The following PCDH15 variants were observed in gnomAD, a reference collection of about 807,000 sequenced individuals.
PCDH15 encodes the protein protocadherin-15.
In PCDH15, 129 loss-of-function variants were observed where a neutral mutation model predicts 178.5. The ratio of observed to expected loss-of-function variants is 0.72; its 90% CI spans 0.63 to 0.84. The LOEUF (loss-of-function observed/expected upper bound fraction) is 0.84, where lower values mean the gene tolerates loss of function less well. PCDH15 is among the 40% of genes least tolerant of loss of function. The pLI is 0.00. For missense variants in PCDH15, 2,230 were observed against 2,099.9 expected, an observed-to-expected ratio of 1.06 and a Z score of -1.21; for synonymous variants, 800 against 732.0, an observed-to-expected ratio of 1.09 and a Z score of -1.50.
chr10:55,099,219 C>T (rs1356095221), intron 2 of PCDH15, among the ~76,000 whole-genome samples: 3 of 152,056 alleles, frequency 2.0e-5, no homozygotes, highest in Non-Finnish European at 4.4e-5. Flanking sequence ...CACATAGCCA[C>T]TCTTTATTGT....
chr10:55,501,500 T>C (rs1455680562), intron 2 of PCDH15, among the ~76,000 whole-genome samples: 1 of 151,680 alleles, frequency 6.6e-6, no homozygotes, highest in Non-Finnish European at 1.5e-5. Context: ...TTATCTGTAA[T>C]AAGAAAAACA....
At chr10:54,335,050 C>T (rs988749126) in intron 6 of PCDH15, among the ~76,000 whole-genome samples, 3 of 152,146 alleles carry the variant, frequency 2.0e-5, no homozygotes, top group Non-Finnish European at 4.4e-5. Context: ...GGCTACTGTG[C>T]CATCAGCTGC....
chr10:54,028,451 G>A (rs550978763), intron 18 of PCDH15, among the ~76,000 whole-genome samples: 1 of 151,690 alleles, frequency 6.6e-6, no homozygotes, highest in South Asian at 2.1e-4. Context: ...TATACCCAAA[G>A]GACTAGAAAT....
intron 2 of PCDH15, among the ~76,000 whole-genome samples, chr10:55,454,985 T>G (rs1839519257): frequency 6.6e-6 from 1 of 152,048 alleles, no homozygotes; most frequent in Admixed American, 6.6e-5. Flanking sequence ...ACAATGTATA[T>G]ATGCATACAT....
At chr10:55,601,930 G>T (rs142930122) in intron 2 of PCDH15, among the ~76,000 whole-genome samples, 1 of 152,230 alleles carries the variant, frequency 6.6e-6, no homozygotes, top group South Asian at 2.1e-4. Context: ...AGCTCCCAGC[G>T]TGAGCGACGC....
chr10:54,466,546 T>A lies in PCDH15; in HGVS notation c.157+61266A>T, dbSNP rs11004323. Among the ~76,000 whole-genome samples, 858 of 152,148 alleles carry A rather than the reference T, an allele frequency of 5.6e-3. 14 individuals carry two copies. Among genetic ancestry groups the A allele is most frequent in the African/African-American group, 0.02 (835 of 41,568 alleles). ...GTTTTATTTGTCTGTATGTCTGTTTTTGTATCAACATTATGCTGTTTTGGT... is the reference window on the plus strand; with the variant it reads ...GTTTTATTTGTCTGTATGTCTGTTTATGTATCAACATTATGCTGTTTTGGT... On this transcript the variant is annotated intron_variant, in intron 3 of 37. Transcript: ENST00000644397.
intron 2 of PCDH15, among the ~76,000 whole-genome samples, chr10:55,004,372 T>C (rs2131934230): frequency 6.6e-6 from 1 of 152,260 alleles, no homozygotes; most frequent in Non-Finnish European, 1.5e-5. Context: ...GAACTGATGT[T>C]TATGGTTTCT....
At chr10:55,575,743 T>C (rs1842484085) in intron 2 of PCDH15, 1 of 152,226 alleles carries the variant, frequency 6.6e-6, no homozygotes, top group Non-Finnish European at 1.5e-5. Context: ...TGCACTTTAA[T>C]ACTGTTAGAC....
In PCDH15 at chr10:54,228,191, G is replaced by T. The variant is rs951460603; in HGVS notation, c.985+8632C>A. ...CTGATAAAGACATACCAGAGACTGG[G>T]CAATTTTCAAAAGAAAAAGGTTTAA... On this transcript the variant is annotated intron_variant, in intron 9 of 37. Coordinates refer to ENST00000644397, the MANE Select transcript of PCDH15 (RefSeq NM_001384140.1). Among the ~76,000 whole-genome samples the T allele has an allele frequency of 1.6e-4, 25 of 152,236 alleles. No individual in the cohort carries two copies. The South Asian group carries it at 5.0e-3, about 30-fold the overall frequency.
chr10:54,541,305 G>A (rs1388607840), intron 2 of PCDH15, among the ~76,000 whole-genome samples: 1 of 152,000 alleles, frequency 6.6e-6, no homozygotes, highest in Non-Finnish European at 1.5e-5. Context: ...TATAGTTTGA[G>A]GATACAAATT....
At chr10:55,380,150 C>T (rs1409754395) in intron 2 of PCDH15, among the ~76,000 whole-genome samples, 3 of 152,032 alleles carry the variant, frequency 2.0e-5, no homozygotes, top group Non-Finnish European at 4.4e-5. Context: ...ATAAATGTCT[C>T]ATAAAGTGAC....
At chr10:54,440,615 A>T (rs1352918032) in intron 3 of PCDH15, among the ~76,000 whole-genome samples, 1 of 151,962 alleles carries the variant, frequency 6.6e-6, no homozygotes, top group East Asian at 1.9e-4. Context: ...CTTGAACCAT[A>T]CATGTTTATT....
chr10:55,108,185 G>C (rs945460016), intron 2 of PCDH15, among the ~76,000 whole-genome samples: 1 of 152,130 alleles, frequency 6.6e-6, no homozygotes, highest in Admixed American at 6.6e-5. Flanking sequence ...CCAGAACTGT[G>C]AGAAATCAAT....
chr10:53,966,736 T>C (rs2089059977), intron 21 of PCDH15, among the ~76,000 whole-genome samples: 1 of 151,980 alleles, frequency 6.6e-6, no homozygotes, highest in African/African-American at 2.4e-5. Context: ...TTTTAATACT[T>C]TATTCCACTA....
chr10:54,286,580 T>C (rs560665526), intron 8 of PCDH15, among the ~76,000 whole-genome samples: 2 of 152,350 alleles, frequency 1.3e-5, no homozygotes, highest in South Asian at 2.1e-4. Flanking sequence ...GTAATGTTTT[T>C]GTTTTTGTTT....
chr10:54,399,641 T>A (rs1280854504), intron 3 of PCDH15, among the ~76,000 whole-genome samples: 2 of 152,018 alleles, frequency 1.3e-5, no homozygotes, highest in African/African-American at 4.8e-5. Flanking sequence ...AGTGAGTATT[T>A]CCCACCAGCA....
chr10:55,305,774 T>C (rs1843406466), intron 1 of PCDH15, among the ~76,000 whole-genome samples: 1 of 152,184 alleles, frequency 6.6e-6, no homozygotes, highest in Non-Finnish European at 1.5e-5. Context: ...TTATGTTGTT[T>C]CAAGGACAGA....
At chr10:55,529,669 A>C (rs1841398279) in intron 2 of PCDH15, among the ~76,000 whole-genome samples, 1 of 148,002 alleles carries the variant, frequency 6.8e-6, no homozygotes, top group African/African-American at 2.5e-5. Flanking sequence ...TAATATTGGC[A>C]TAAATTCTGC....
Position 54,237,680 on chromosome 10 carries a change from C to T in PCDH15, c.877-749G>A, listed in dbSNP as rs7079096. ...ACTCTGTCATTACAGCACCAAAGCC[C>T]AAGTGGGCATGGCTCTGTTGCAATA... On this transcript the variant is annotated intron_variant, in intron 8 of 37. Transcript: ENST00000644397. Among the ~76,000 whole-genome samples, 595 of 152,244 alleles carry T rather than the reference C, an allele frequency of 3.9e-3. 3 individuals are homozygous for T. Among genetic ancestry groups the T allele is most frequent in the African/African-American group, 0.014 (561 of 41,550 alleles).
Sources: gnomAD v4.1 joint callset for allele counts (sites outside exome capture counted in the v4.1 genomes callset) on GRCh38, gnomAD v4.1.1 for gene constraint, MANE v1.5 for transcripts, NCBI Gene and HGNC (gene_info 2026-07-23, HGNC 2026-07-21) for gene names.